PDGFC: variants seen among roughly 807,000 people sequenced by gnomAD.
PDGFC encodes platelet-derived growth factor C.
Under a neutral mutation model 35.5 loss-of-function variants are expected in PDGFC, and 12 were observed. That is an observed-to-expected ratio of 0.34 (90% CI 0.22 to 0.55). The LOEUF (loss-of-function observed/expected upper bound fraction) is 0.55. PDGFC is among the 20% of genes least tolerant of loss of function. The probability of loss-of-function intolerance (pLI) is 0.91; values close to 1 mark genes in which losing one functional copy is unlikely to be tolerated. For missense variants in PDGFC, 322 were observed against 412.4 expected, an observed-to-expected ratio of 0.78 and a Z score of 1.90; for synonymous variants, 159 against 148.8, an observed-to-expected ratio of 1.07 and a Z score of -0.50.
At chr4:156,847,562 G>C (rs1165090841) in intron 2 of PDGFC, among the ~76,000 whole-genome samples, 1 of 151,690 alleles carries the variant, frequency 6.6e-6, no homozygotes, top group Admixed American at 6.6e-5. Context: ...AAACAGAAAA[G>C]GTGACAAACT....
At chr4:156,849,090 C>T (rs549068778) in intron 2 of PDGFC, among the ~76,000 whole-genome samples, 23 of 152,060 alleles carry the variant, frequency 1.5e-4, no homozygotes, top group African/African-American at 5.3e-4. Context: ...AGGTGCAGTA[C>T]AGCATGATGA....
intron 4 of PDGFC, among the ~76,000 whole-genome samples, chr4:156,771,427 G>A (rs1730689620): frequency 6.6e-6 from 1 of 152,158 alleles, no homozygotes; most frequent in Non-Finnish European, 1.5e-5. Context: ...CTGTTCCTAA[G>A]TGGGAGGGAA....
In PDGFC at chr4:156,946,836, T is replaced by C. The variant is rs1178169777; in HGVS notation, c.118+23950A>G. Among the ~76,000 whole-genome samples the C allele has an allele frequency of 2.0e-5, 3 of 152,020 alleles. No individual in the cohort carries two copies. The East Asian group carries it at 5.8e-4, about 29-fold the overall frequency. ...CTCCCAGTTCATGTTTTCATATGTG[T>C]TAAGACTTTCTTGCCCTTGAAAATT... is the stretch of plus-strand genomic sequence containing the variant. On this transcript the variant is annotated intron_variant, in intron 1 of 5. Transcript: ENST00000502773.
At chr4:156,922,159 T>TGTGTGTGTGTGTGA (rs1731299547) in intron 1 of PDGFC, among the ~76,000 whole-genome samples, 1 of 115,198 alleles carries the variant, frequency 8.7e-6, no homozygotes, top group East Asian at 2.5e-4. Flanking sequence ...ATTCATAGTG[T>TGTGTGTGTGTGTGA]GTGTGTGTGT....
chr4:156,964,098 C>T (rs1348580294), intron 1 of PDGFC, among the ~76,000 whole-genome samples: 1 of 151,242 alleles, frequency 6.6e-6, no homozygotes, highest in Non-Finnish European at 1.5e-5. Context: ...TACTTTCTAG[C>T]GTTCACTAAA....
chr4:156,802,743 A>G (rs555857226), intron 3 of PDGFC, among the ~76,000 whole-genome samples: 149 of 152,292 alleles, frequency 9.8e-4, no homozygotes, highest in African/African-American at 3.5e-3. Context: ...GAAACTGACT[A>G]AGCCAGCACG....
intron 1 of PDGFC, among the ~76,000 whole-genome samples, chr4:156,904,065 G>A (rs1730856872): frequency 6.6e-6 from 1 of 152,074 alleles, no homozygotes; most frequent in Admixed American, 6.6e-5. Context: ...ATGAAAGTGG[G>A]CCTAAGTGCC....
intron 1 of PDGFC, among the ~76,000 whole-genome samples, chr4:156,957,363 T>A (rs141452188): frequency 6.6e-6 from 1 of 151,982 alleles, no homozygotes; most frequent in African/African-American, 2.4e-5. Flanking sequence ...TCTACACCAC[T>A]TATTACACTG....
At chr4:156,960,611 T>C (rs80318552) in intron 1 of PDGFC, among the ~76,000 whole-genome samples, 3,226 of 151,968 alleles carry the variant, frequency 0.021, 117 homozygotes, top group African/African-American at 0.073. Context: ...AAGAATCCCC[T>C]GATGCCTTTT....
chr4:156,813,764 G>A (rs1053524510), intron 2 of PDGFC, among the ~76,000 whole-genome samples: 4 of 152,062 alleles, frequency 2.6e-5, no homozygotes, highest in African/African-American at 9.7e-5. Flanking sequence ...CAATGGGCTC[G>A]ATGTCTCTTT....
At chr4:156,772,372 G>A (rs907049462) in intron 4 of PDGFC, among the ~76,000 whole-genome samples, 8 of 151,998 alleles carry the variant, frequency 5.3e-5, no homozygotes, top group African/African-American at 1.7e-4. Context: ...CCAAGTATTA[G>A]GTTTGAGTAA....
At chr4:156,910,279 T>TTCAC (rs1731008686) in intron 1 of PDGFC, among the ~76,000 whole-genome samples, 1 of 152,162 alleles carries the variant, frequency 6.6e-6, no homozygotes, top group African/African-American at 2.4e-5. Flanking sequence ...CCTTAAACCC[T>TTCAC]TCACTCTCTT....
intron 1 of PDGFC, among the ~76,000 whole-genome samples, chr4:156,871,821 A>C (rs567475821): frequency 1.3e-5 from 2 of 152,040 alleles, no homozygotes; most frequent in Admixed American, 1.3e-4. Context: ...TCTTGTAAAC[A>C]AACATTAGAA....
intron 1 of PDGFC, among the ~76,000 whole-genome samples, chr4:156,881,644 A>G (rs1730245267): frequency 6.6e-6 from 1 of 152,064 alleles, no homozygotes; most frequent in Admixed American, 6.6e-5. Context: ...CAGCCTGGCC[A>G]ACATGGTGAA....
chr4:156,843,403 A>G (rs1729251093), intron 2 of PDGFC, among the ~76,000 whole-genome samples: 1 of 152,260 alleles, frequency 6.6e-6, no homozygotes, highest in Non-Finnish European at 1.5e-5. Flanking sequence ...AGGATGAGAC[A>G]GTAACCACCA....
chr4:156,886,480 T>C lies in PDGFC; in HGVS notation c.119-36064A>G, dbSNP rs342312. 6.4e-3 allele frequency among the ~76,000 whole-genome samples: 971 copies of C among 152,338 alleles called. 11 individuals carry two copies. The highest frequency in any genetic ancestry group is 0.022 in the African/African-American group (921 of 41,578). On this transcript the variant is annotated intron_variant, in intron 1 of 5. Coordinates refer to ENST00000502773, the MANE Select transcript of PDGFC (RefSeq NM_016205.3). ...TCTAGAAAATATTCTGAATTGCTATTTGGCAGACATACTTTTATCACCAAC... is the reference window on the plus strand; with the variant it reads ...TCTAGAAAATATTCTGAATTGCTATCTGGCAGACATACTTTTATCACCAAC...
intron 1 of PDGFC, among the ~76,000 whole-genome samples, chr4:156,879,755 T>G (rs1178410385): frequency 1.3e-5 from 2 of 152,222 alleles, no homozygotes; most frequent in Non-Finnish European, 2.9e-5. Context: ...ACATAGTTCT[T>G]TCAAAGCCCC....
chr4:156,870,020 A>C (rs2111139574), intron 1 of PDGFC, among the ~76,000 whole-genome samples: 1 of 151,838 alleles, frequency 6.6e-6, no homozygotes, highest in Admixed American at 6.6e-5. Flanking sequence ...TGGTACATGT[A>C]TTTTCCCATA....
chr4:156,831,094 T>C (rs7687696), intron 2 of PDGFC, among the ~76,000 whole-genome samples: 20,503 of 152,152 alleles, frequency 0.13, 1,770 homozygotes, highest in South Asian at 0.34. Context: ...GAGAGGACTA[T>C]ATGACTGTTG....
Sources: allele counts gnomAD v4.1 joint callset (sites outside exome capture counted in the v4.1 genomes callset), GRCh38; gene constraint gnomAD v4.1.1; transcripts MANE v1.5; gene names NCBI Gene and HGNC (gene_info 2026-07-23, HGNC 2026-07-21).